The following NDUFAF6 variants were observed in gnomAD, a reference collection of about 807,000 sequenced individuals.
NDUFAF6 encodes NADH:ubiquinone oxidoreductase complex assembly factor 6.
NDUFAF6 carries 45 observed loss-of-function variants against 40.8 expected under a neutral mutation model. The ratio of observed to expected loss-of-function variants is 1.10; its 90% CI spans 0.87 to 1.42. NDUFAF6 has a LOEUF of 1.42. Among genes scored for constraint, NDUFAF6 ranks in the 40% most tolerant of loss-of-function variants. The probability of loss-of-function intolerance (pLI) is 0.00; values close to 1 mark genes in which losing one functional copy is unlikely to be tolerated. For synonymous variants in NDUFAF6, 185 were observed against 155.9 expected (o/e 1.19, Z -1.39); for missense variants, 435 against 418.5 (o/e 1.04, Z -0.34).
intron 9 of NDUFAF6, among the ~76,000 whole-genome samples, chr8:95,069,795 T>A (rs1262940891): frequency 3.5e-5 from 5 of 142,136 alleles, no homozygotes; most frequent in African/African-American, 1.0e-4. Flanking sequence ...AAAAAAAAAA[T>A]TATATATATA....
chr8:95,013,568 C>T (rs1827314349), intron 2 of NDUFAF6, among the ~76,000 whole-genome samples: 1 of 152,174 alleles, frequency 6.6e-6, no homozygotes, highest in South Asian at 2.1e-4. Flanking sequence ...GTTTAGTATT[C>T]ACTCACTTAA....
chr8:94,931,247 T>C (rs1820362475), intron 1 of NDUFAF6, among the ~76,000 whole-genome samples: 1 of 152,252 alleles, frequency 6.6e-6, no homozygotes, highest in African/African-American at 2.4e-5. Context: ...CTTTATTTAA[T>C]AGAAATTTGC....
At chr8:94,901,667 C>T (rs1408441308) in intron 1 of NDUFAF6, among the ~76,000 whole-genome samples, 2 of 152,144 alleles carry the variant, frequency 1.3e-5, no homozygotes, top group African/African-American at 4.8e-5. Context: ...CTGCAACCTC[C>T]ACCTCCCAGG....
chr8:94,916,813 T>A (rs1270117633), intron 1 of NDUFAF6, among the ~76,000 whole-genome samples: 20 of 50,032 alleles, frequency 4.0e-4, no homozygotes, highest in Admixed American at 5.1e-4. Flanking sequence ...TGAGACTCCA[T>A]ATCAAAAAAA....
chr8:95,093,299 A>G (rs1307424619), intron 2 of NDUFAF6, among the ~76,000 whole-genome samples: 4 of 152,188 alleles, frequency 2.6e-5, no homozygotes, highest in Admixed American at 6.5e-5. Flanking sequence ...TGAGAAAGAA[A>G]CTTCTTATCT....
chr8:95,025,803 TG>T (rs1828042615), intron 1 of NDUFAF6, among the ~76,000 whole-genome samples: 1 of 152,208 alleles, frequency 6.6e-6, no homozygotes, highest in South Asian at 2.1e-4. Context: ...GTCAGAGCCC[TG>T]AAGTGTTTTG....
intron 7 of NDUFAF6, among the ~76,000 whole-genome samples, chr8:95,051,760 G>C (rs76847527): frequency 2.0e-5 from 3 of 152,136 alleles, no homozygotes; most frequent in Non-Finnish European, 4.4e-5. Context: ...GTCCGGCTGC[G>C]TGGAACGAAT....
At chr8:94,975,255 T>C (rs1303256972) in intron 1 of NDUFAF6, 1 of 152,308 alleles carries the variant, frequency 6.6e-6, no homozygotes, top group African/African-American at 2.4e-5. Context: ...TTGAGCTGAT[T>C]TTTCCCTTTA....
At chr8:95,005,577 A>G (rs1826942778) in intron 2 of NDUFAF6, among the ~76,000 whole-genome samples, 1 of 140,598 alleles carries the variant, frequency 7.1e-6, no homozygotes, top group East Asian at 2.0e-4. Context: ...CATAAATAAT[A>G]TATTTATTAT....
At chr8:94,953,571 G>A (rs181040380), upstream of NDUFAF6, among the ~76,000 whole-genome samples, 9 of 152,274 alleles carry the variant, frequency 5.9e-5, no homozygotes, top group African/African-American at 1.4e-4. Flanking sequence ...TGTAACTCCC[G>A]CTGCCAAAGC....
At chr8:94,962,616 G>T (rs71504373) in intron 1 of NDUFAF6, among the ~76,000 whole-genome samples, 22,338 of 97,358 alleles carry the variant, frequency 0.23, 1,746 homozygotes, top group Middle Eastern at 0.34. Context: ...TTTGTTTTTT[G>T]TTTTTTTTTT....
At chr8:95,041,419 C>T (rs1161305898) in intron 3 of NDUFAF6, 151 bp from the exon 4 acceptor site, 6 of 577,534 alleles carry the variant, frequency 1.0e-5, no homozygotes, top group South Asian at 2.2e-5. Flanking sequence ...TTTCTTTTTC[C>T]CTGATACTTC....
intron 2 of NDUFAF6, among the ~76,000 whole-genome samples, chr8:95,015,205 T>C (rs528714005): frequency 3.2e-4 from 48 of 152,272 alleles, no homozygotes; most frequent in African/African-American, 1.1e-3. Flanking sequence ...CTCCTGGAGT[T>C]GTGCAGTGTA....
Position 94,905,243 on chromosome 8 carries a change from T to C in NDUFAF6, c.-936+9316T>C, listed in dbSNP as rs191989300. The stretch of plus-strand genomic sequence containing the variant: ...CTTCTTTGTGGCAGGATTTTTTGGA[T>C]GAGTTTTCTTTCTGCAGGGAGGAAG... On this transcript the variant is annotated intron_variant, in intron 1 of 14. Coordinates refer to the NDUFAF6 transcript ENST00000396113. 6.8e-3 allele frequency among the ~76,000 whole-genome samples: 1,025 copies of C among 151,052 alleles called. 11 individuals carry two copies. Among genetic ancestry groups the C allele is most frequent in the African/African-American group, 0.024 (971 of 41,238 alleles).
At chr8:94,996,854 C>CGCAG (rs1196127089) in intron 2 of NDUFAF6, among the ~76,000 whole-genome samples, 5 of 152,108 alleles carry the variant, frequency 3.3e-5, no homozygotes, top group African/African-American at 9.7e-5. Flanking sequence ...CACATGAAGA[C>CGCAG]GCAGGGAGAA....
intron 1 of NDUFAF6, among the ~76,000 whole-genome samples, chr8:94,907,233 A>G (rs1818451030): frequency 6.6e-6 from 1 of 152,220 alleles, no homozygotes; most frequent in African/African-American, 2.4e-5. Context: ...CATACTGTCT[A>G]ATACTAGAGT....
chr8:94,957,094 C>T (rs10429294), upstream of NDUFAF6, among the ~76,000 whole-genome samples: 76,990 of 151,966 alleles, frequency 0.51, 19,926 homozygotes, highest in East Asian at 0.72. Context: ...ATCACTTGAA[C>T]CTGGGAGGCG....
chr8:95,047,409 A>G (rs751388992), intron 6 of NDUFAF6, among the ~76,000 whole-genome samples: 2 of 151,736 alleles, frequency 1.3e-5, no homozygotes, highest in Non-Finnish European at 2.9e-5. Context: ...AACTGCAGTA[A>G]TTATTCCTAG....
upstream of NDUFAF6, chr8:95,024,929 T>C (rs913506566): frequency 9.7e-5 from 116 of 1,192,960 alleles, no homozygotes; most frequent in Non-Finnish European, 1.2e-4. Flanking sequence ...CAAAGGAGCA[T>C]AGGGGAACCT....
Sources: gnomAD v4.1 joint callset for allele counts (sites outside exome capture counted in the v4.1 genomes callset) on GRCh38, gnomAD v4.1.1 for gene constraint, MANE v1.5 for transcripts, NCBI Gene and HGNC (gene_info 2026-07-23, HGNC 2026-07-21) for gene names.